CSRNP3: variants seen among roughly 807,000 people sequenced by gnomAD.
The protein encoded by CSRNP3 is cysteine and serine rich nuclear protein 3.
In CSRNP3, 12 loss-of-function variants were observed where a neutral mutation model predicts 48.0. The ratio of observed to expected loss-of-function variants is 0.25; its 90% CI spans 0.16 to 0.41. The LOEUF is 0.41. Among genes scored for constraint, CSRNP3 ranks in the 10% least tolerant of loss-of-function variants. CSRNP3 has a pLI of 1.00. For synonymous variants in CSRNP3, 263 were observed against 269.7 expected, an observed-to-expected ratio of 0.98 and a Z score of 0.24; for missense variants, 580 against 724.4, an observed-to-expected ratio of 0.80 and a Z score of 2.29.
At chr2:165,486,179 G>A (rs1278301449) in intron 1 of CSRNP3, among the ~76,000 whole-genome samples, 2 of 152,180 alleles carry the variant, frequency 1.3e-5, no homozygotes, top group Non-Finnish European at 2.9e-5. Context: ...AAATAAATGG[G>A]TGACGGACGC....
intron 4 of CSRNP3, among the ~76,000 whole-genome samples, chr2:165,636,221 T>C (rs1294388220): frequency 6.6e-6 from 1 of 152,204 alleles, no homozygotes; most frequent in Non-Finnish European, 1.5e-5. Context: ...AGCAGATTGG[T>C]AACTTACACA....
intron 5 of CSRNP3, among the ~76,000 whole-genome samples, chr2:165,670,185 C>A (rs1446481620): frequency 6.6e-6 from 1 of 152,184 alleles, no homozygotes; most frequent in African/African-American, 2.4e-5. Context: ...CACCACTGTT[C>A]ATTTAACTGC....
intron 4 of CSRNP3, among the ~76,000 whole-genome samples, chr2:165,620,087 T>A (rs1004287528): frequency 2.0e-5 from 3 of 152,176 alleles, no homozygotes; most frequent in Non-Finnish European, 4.4e-5. Context: ...AAGTCAGTTT[T>A]CTAGTTAAAA....
At chr2:165,537,907 C>T (rs1010525448) in intron 3 of CSRNP3, among the ~76,000 whole-genome samples, 1 of 151,916 alleles carries the variant, frequency 6.6e-6, no homozygotes, top group Non-Finnish European at 1.5e-5. Context: ...CTACCATGTG[C>T]ACAGGCACTG....
intron 3 of CSRNP3, among the ~76,000 whole-genome samples, chr2:165,575,461 G>T (rs1685433958): frequency 6.6e-6 from 1 of 152,076 alleles, no homozygotes; most frequent in African/African-American, 2.4e-5. Context: ...TGGAAAAGAT[G>T]AAGAGGCAAA....
intron 4 of CSRNP3, among the ~76,000 whole-genome samples, chr2:165,645,489 A>G (rs988366764): frequency 6.6e-6 from 1 of 152,196 alleles, no homozygotes; most frequent in Non-Finnish European, 1.5e-5. Flanking sequence ...AAGAACACAA[A>G]CATTCAGACC....
intron 5 of CSRNP3, among the ~76,000 whole-genome samples, chr2:165,673,129 C>CCTT (rs1159261395): frequency 1.2e-4 from 5 of 42,968 alleles, no homozygotes; most frequent in African/African-American, 2.9e-4. Context: ...CAGTATGTAG[C>CCTT]TCTTTTTTTT....
rs906024934 is a variant in CSRNP3 at position 165,502,775 on chromosome 2, C to G, written c.-113+7847C>G. On this transcript the variant is annotated intron_variant, in intron 2 of 6. Coordinates refer to ENST00000651982, the MANE Select transcript of CSRNP3 (RefSeq NM_001172173.2). ...TCTTCCCCTGTCTCTCTCTCTCTCTCTGTGTATATATAAATACGTTCATAT... is the reference window on the plus strand; with the variant it reads ...TCTTCCCCTGTCTCTCTCTCTCTCTGTGTGTATATATAAATACGTTCATAT... 2.6e-5 allele frequency among the ~76,000 whole-genome samples: 4 copies of G among 152,058 alleles called. No individual in the cohort carries two copies. The East Asian group carries it at 7.7e-4, about 29-fold the overall frequency.
At chr2:165,514,363 C>A (rs1048721859) in intron 2 of CSRNP3, among the ~76,000 whole-genome samples, 4 of 152,250 alleles carry the variant, frequency 2.6e-5, no homozygotes, top group Non-Finnish European at 4.4e-5. Context: ...TCCCGCTGAT[C>A]TTCTGTGATG....
intron 3 of CSRNP3, 69 bp from the exon 4 acceptor site, chr2:165,594,974 C>G: frequency 7.0e-7 from 1 of 1,436,698 alleles, no homozygotes; most frequent in Non-Finnish European, 9.7e-7. Context: ...AAAAATGACT[C>G]TGGAGACCTT....
In CSRNP3 at chr2:165,688,176, A is replaced by C. The variant is rs1687661623; in HGVS notation, c.*8423A>C. On this transcript the variant is annotated 3_prime_UTR_variant, in exon 7 of 7. Transcript: ENST00000651982. ...AGGCATAGTTTGTGAAACATGTTTCAAAAGTGTTTGATGTATAATAAATGC... is the reference window on the plus strand; with the variant it reads ...AGGCATAGTTTGTGAAACATGTTTCCAAAGTGTTTGATGTATAATAAATGC... 1 of 152,136 alleles carries C rather than the reference A, an allele frequency of 6.6e-6. No individual in the cohort carries two copies. The highest frequency in any genetic ancestry group is 6.6e-5 in the Admixed American group (1 of 15,232). 9.4% of individuals were successfully genotyped at this position (152,136 alleles called of 1,614,324 possible).
intron 6 of CSRNP3, among the ~76,000 whole-genome samples, chr2:165,677,382 C>G (rs1304169132): frequency 6.6e-6 from 1 of 152,066 alleles, no homozygotes; most frequent in Non-Finnish European, 1.5e-5. Context: ...AAAAGTTTAC[C>G]AACCCCTGAT....
At chr2:165,518,627 G>A (rs1310621996) in intron 3 of CSRNP3, among the ~76,000 whole-genome samples, 3 of 151,846 alleles carry the variant, frequency 2.0e-5, no homozygotes, top group Admixed American at 1.3e-4. Flanking sequence ...AGGTTAAAGT[G>A]GTTTAGTCTA....
intron 3 of CSRNP3, among the ~76,000 whole-genome samples, chr2:165,582,827 T>C (rs1387753947): frequency 6.6e-6 from 1 of 152,162 alleles, no homozygotes; most frequent in African/African-American, 2.4e-5. Context: ...AAACTGCAAA[T>C]CATCAAACTG....
chr2:165,665,419 A>T (rs534925795), intron 5 of CSRNP3, among the ~76,000 whole-genome samples: 2 of 152,282 alleles, frequency 1.3e-5, no homozygotes, highest in South Asian at 4.1e-4. Flanking sequence ...TGTCAGAGTG[A>T]AAGAATGGGA....
intron 4 of CSRNP3, among the ~76,000 whole-genome samples, chr2:165,653,001 GTA>G (rs1686939980): frequency 6.6e-6 from 1 of 152,156 alleles, no homozygotes; most frequent in Non-Finnish European, 1.5e-5. Flanking sequence ...TACTAGGTAG[GTA>G]TATCAGGGAG....
chr2:165,530,290 A>G (rs958048957), intron 3 of CSRNP3, among the ~76,000 whole-genome samples: 1 of 152,132 alleles, frequency 6.6e-6, no homozygotes, highest in Non-Finnish European at 1.5e-5. Flanking sequence ...TCAATTACTA[A>G]TCTGAAAAAA....
intron 3 of CSRNP3, among the ~76,000 whole-genome samples, chr2:165,549,126 A>G (rs568300636): frequency 6.6e-6 from 1 of 151,828 alleles, no homozygotes; most frequent in South Asian, 2.1e-4. Flanking sequence ...TATTGAGATT[A>G]CCCTGAAAAG....
At chr2:165,521,945 A>G (rs187218658) in intron 3 of CSRNP3, among the ~76,000 whole-genome samples, 36 of 152,220 alleles carry the variant, frequency 2.4e-4, no homozygotes, top group African/African-American at 8.2e-4. Context: ...CCACTCTACT[A>G]CAACAACCAC....
Sources: allele counts gnomAD v4.1 joint callset (sites outside exome capture counted in the v4.1 genomes callset), GRCh38; gene constraint gnomAD v4.1.1; transcripts MANE v1.5; gene names NCBI Gene and HGNC (gene_info 2026-07-23, HGNC 2026-07-21).